PALM2AKAP2: variants seen among roughly 807,000 people sequenced by gnomAD.
PALM2AKAP2 encodes the protein PALM2 and AKAP2 fusion.
PALM2AKAP2 carries 37 observed loss-of-function variants against 71.5 expected under a neutral mutation model. The ratio of observed to expected loss-of-function variants is 0.52; its 90% CI spans 0.40 to 0.68. The LOEUF (loss-of-function observed/expected upper bound fraction) is 0.68, where lower values mean the gene tolerates loss of function less well. Among genes scored for constraint, PALM2AKAP2 ranks in the 30% least tolerant of loss-of-function variants. The probability of loss-of-function intolerance (pLI) is 0.00; values close to 1 mark genes in which losing one functional copy is unlikely to be tolerated. For synonymous variants in PALM2AKAP2, 468 were observed against 478.8 expected, an observed-to-expected ratio of 0.98 and a Z score of 0.29; for missense variants, 1,224 against 1,191.8, an observed-to-expected ratio of 1.03 and a Z score of -0.40.
chr9:109,794,404 A>T (rs77563105), intron 1 of PALM2AKAP2, among the ~76,000 whole-genome samples: 15 of 143,780 alleles, frequency 1.0e-4, no homozygotes, highest in African/African-American at 2.1e-4. Context: ...TTCCAGGTGT[A>T]TTTTTTTTTT....
intron 1 of PALM2AKAP2, among the ~76,000 whole-genome samples, chr9:109,795,497 A>G (rs1827227530): frequency 6.6e-6 from 1 of 152,278 alleles, no homozygotes; most frequent in Non-Finnish European, 1.5e-5. Flanking sequence ...AATTAAAAAA[A>G]TGGTAAATCC....
intron 1 of PALM2AKAP2, among the ~76,000 whole-genome samples, chr9:109,705,906 T>TA (rs1171498951): frequency 6.6e-6 from 1 of 152,320 alleles, no homozygotes; most frequent in East Asian, 1.9e-4. Context: ...AATCCACTAT[T>TA]AAGAACAGCA....
intron 1 of PALM2AKAP2, among the ~76,000 whole-genome samples, chr9:110,055,181 T>TA (rs397750840): frequency 1.3e-4 from 19 of 151,614 alleles, no homozygotes; most frequent in Admixed American, 2.0e-4. Flanking sequence ...TTTTTTTTTT[T>TA]AAATTTTTAT....
intron 1 of PALM2AKAP2, among the ~76,000 whole-genome samples, chr9:109,644,866 TCAGC>T (rs752794801): frequency 3.5e-4 from 54 of 152,234 alleles, no homozygotes; most frequent in Non-Finnish European, 6.9e-4. Flanking sequence ...TGAGACCTCC[TCAGC>T]CTGGATTTCA....
At chr9:110,150,907 C>T (rs533608899) in intron 2 of PALM2AKAP2, among the ~76,000 whole-genome samples, 2 of 152,210 alleles carry the variant, frequency 1.3e-5, no homozygotes, top group Non-Finnish European at 2.9e-5. Flanking sequence ...AACCATTCCT[C>T]TAAGTTTGAG....
intron 3 of PALM2AKAP2, 22 bp from the exon 11 acceptor site, chr9:110,168,377 A>AT: frequency 6.2e-7 from 1 of 1,610,986 alleles, no homozygotes. Context: ...ACTCTGCATA[A>AT]TTTTTTCCCC....
chr9:109,867,696 T>C (rs1393979592), intron 2 of PALM2AKAP2, 125 bp downstream of exon 2: 4 of 1,089,866 alleles, frequency 3.7e-6, no homozygotes, highest in South Asian at 1.7e-5. Flanking sequence ...TTTCATTCAA[T>C]CAGGAAACCA....
At chr9:109,852,600 A>T (rs561931703) in intron 1 of PALM2AKAP2, among the ~76,000 whole-genome samples, 1 of 152,272 alleles carries the variant, frequency 6.6e-6, no homozygotes, top group East Asian at 1.9e-4. Flanking sequence ...TTCTTTGAGA[A>T]ATCTCCAAAC....
At chr9:110,100,051 C>CTATATATATATATA (rs71373968) in intron 1 of PALM2AKAP2, among the ~76,000 whole-genome samples, 3,100 of 109,096 alleles carry the variant, frequency 0.028, 79 homozygotes, top group South Asian at 0.042. Context: ...GTATGTGTGT[C>CTATATATATATATA]TATATATATA....
intron 6 of PALM2AKAP2, among the ~76,000 whole-genome samples, chr9:109,979,326 G>A (rs949345728): frequency 6.6e-6 from 1 of 152,178 alleles, no homozygotes; most frequent in Non-Finnish European, 1.5e-5. Flanking sequence ...CTAGCCATGA[G>A]GGTGGAGGAA....
At chr9:110,048,778 G>A (rs746558533) in exon 1 of PALM2AKAP2, 2 of 1,535,636 alleles carry the variant, frequency 1.3e-6, no homozygotes, top group East Asian at 2.4e-5. Context: ...TGGACCCCCG[G>A]AGCGGGAGGC....
At chr9:109,713,534 G>A (rs1828271434) in intron 1 of PALM2AKAP2, among the ~76,000 whole-genome samples, 1 of 151,978 alleles carries the variant, frequency 6.6e-6, no homozygotes, top group African/African-American at 2.4e-5. Context: ...TTAAAATAAG[G>A]TTATTTAAGA....
intron 3 of PALM2AKAP2, among the ~76,000 whole-genome samples, chr9:109,922,263 A>T (rs2131950302): frequency 6.6e-6 from 1 of 151,700 alleles, no homozygotes; most frequent in African/African-American, 2.4e-5. Context: ...CTACAAAAAA[A>T]AATTAAAAAT....
At chr9:109,647,905 TA>T (rs750027662) in intron 1 of PALM2AKAP2, among the ~76,000 whole-genome samples, 2 of 152,236 alleles carry the variant, frequency 1.3e-5, no homozygotes, top group Non-Finnish European at 2.9e-5. Context: ...ACATGTCACT[TA>T]GCCCCCCTTT....
chr9:109,987,315 G>T (rs1832397135), intron 6 of PALM2AKAP2, among the ~76,000 whole-genome samples: 1 of 152,040 alleles, frequency 6.6e-6, no homozygotes, highest in Non-Finnish European at 1.5e-5. Context: ...ATTTTTAGTA[G>T]AGAGGGGGTT....
rs745623639 is a variant in PALM2AKAP2 at position 109,711,192 on chromosome 9, A to G, written c.6-69296A>G. Among the ~76,000 whole-genome samples, 3 of 152,148 alleles carry G rather than the reference A, an allele frequency of 2.0e-5. No individual in the cohort carries two copies. The South Asian group carries it at 6.2e-4, about 31-fold the overall frequency. On this transcript the variant is annotated intron_variant, in intron 1 of 6. Transcript: ENST00000374531. ...AAAAAAATGGAAAGGTGGTGGTAGTAGCCTGGTAGTAGCCTTGGTTAAAAG... is the reference window on the plus strand; with the variant it reads ...AAAAAAATGGAAAGGTGGTGGTAGTGGCCTGGTAGTAGCCTTGGTTAAAAG...
intron 6 of PALM2AKAP2, among the ~76,000 whole-genome samples, chr9:109,950,782 A>G (rs1429415261): frequency 7.0e-6 from 1 of 142,988 alleles, no homozygotes; most frequent in African/African-American, 2.6e-5. Context: ...CACTGCTGTC[A>G]TGGAGACAAC....
At chr9:109,678,308 C>T (rs747438587) in intron 1 of PALM2AKAP2, among the ~76,000 whole-genome samples, 8 of 152,184 alleles carry the variant, frequency 5.3e-5, no homozygotes, top group Non-Finnish European at 1.0e-4. Flanking sequence ...GTACTAAATA[C>T]TTAAAAGATT....
rs775436072 is a variant in PALM2AKAP2, at chr9:110,011,259, C to T, written c.497-4695C>T. On this transcript the variant is annotated intron_variant, in intron 6 of 9. Transcript: ENST00000302798. ...ATTATATATATATATACTTTTTTCC[C>T]CAAGTTCTTAGGTCAGATTCTTTAT... is the stretch of plus-strand genomic sequence containing the variant. Among the ~76,000 whole-genome samples the T allele has an allele frequency of 1.5e-3, 215 of 148,092 alleles. 1 individual carries two copies. The highest frequency in any genetic ancestry group is 3.5e-3 in the Middle Eastern group (1 of 282).
Sources: gnomAD v4.1 joint callset for allele counts (sites outside exome capture counted in the v4.1 genomes callset) on GRCh38, gnomAD v4.1.1 for gene constraint, MANE v1.5 for transcripts, NCBI Gene and HGNC (gene_info 2026-07-23, HGNC 2026-07-21) for gene names.